The following EFCC1 variants were observed in gnomAD, a reference collection of about 807,000 sequenced individuals.
EFCC1 encodes EF-hand and coiled-coil domain-containing protein 1.
In EFCC1, 50 loss-of-function variants were observed where a neutral mutation model predicts 52.1. That is an observed-to-expected ratio of 0.96 (90% CI 0.76 to 1.21). The LOEUF is 1.21. Among genes scored for constraint, EFCC1 ranks in the 50% most tolerant of loss-of-function variants. The pLI, the probability that EFCC1 is intolerant of heterozygous loss-of-function variation, is 0.00. For missense variants in EFCC1, 837 were observed against 867.3 expected (o/e 0.97, Z 0.44); for synonymous variants, 399 against 396.5 (o/e 1.01, Z -0.08).
Position 129,013,419 on chromosome 3 carries a change from G to A in EFCC1, c.980+9342G>A, listed in dbSNP as rs551478718. On this transcript the variant is annotated intron_variant, in intron 2 of 7. Coordinates refer to ENST00000683648, the MANE Select transcript of EFCC1 (RefSeq NM_001377500.1). ...AAATCTCAAGCGTATATAGCTTCAG[G>A]CATGGCTAGATCCAGGAGCTCAAGT... 7.9e-5 allele frequency among the ~76,000 whole-genome samples: 12 copies of A among 152,220 alleles called. No homozygotes were observed. In the South Asian group the frequency reaches 2.5e-3, roughly 32 times the overall value.
At chr3:129,012,507 A>G (rs1327516621) in intron 2 of EFCC1, among the ~76,000 whole-genome samples, 1 of 152,128 alleles carries the variant, frequency 6.6e-6, no homozygotes, top group Non-Finnish European at 1.5e-5. Flanking sequence ...ATGACTTTCC[A>G]AATTCTGTGA....
chr3:129,030,558 T>A, intron 2 of EFCC1, 145 bp from the exon 3 acceptor site: 2 of 884,894 alleles, frequency 2.3e-6, no homozygotes, highest in Non-Finnish European at 3.1e-6. Flanking sequence ...GGAATCTGAG[T>A]ATCTAGCACT....
Position 129,010,593 on chromosome 3 carries a change from C to T in EFCC1, c.980+6516C>T, listed in dbSNP as rs1945281518. On this transcript the variant is annotated intron_variant, in intron 2 of 7. Coordinates refer to ENST00000683648, the MANE Select transcript of EFCC1 (RefSeq NM_001377500.1). This position sits in a 1 kb window ranked among gnomAD's most constrained non-coding sequence, Gnocchi z 4.3. ...CAAAGATGAGGCCATCTGAGGGCTA[C>T]CTCCTTTCTTCTGCCCCATTGCTGC... Among the ~76,000 whole-genome samples the T allele has an allele frequency of 6.6e-6, 1 of 152,070 alleles. No individual in the cohort carries two copies. The highest frequency in any genetic ancestry group is 1.5e-5 in the Non-Finnish European group (1 of 67,962).
intron 2 of EFCC1, among the ~76,000 whole-genome samples, chr3:129,026,010 G>A (rs765256240): frequency 1.2e-4 from 19 of 152,310 alleles, no homozygotes; most frequent in Non-Finnish European, 2.4e-4. Context: ...CCTCTCCCGC[G>A]GTGCGGCTCC....
intron 2 of EFCC1, among the ~76,000 whole-genome samples, chr3:129,023,473 C>T (rs1295777082): frequency 7.2e-5 from 11 of 152,102 alleles, no homozygotes; most frequent in Non-Finnish European, 1.6e-4. Flanking sequence ...GGACTACAGG[C>T]GCCCGCCACC....
intron 2 of EFCC1, among the ~76,000 whole-genome samples, chr3:129,019,763 A>ATTT (rs1945747371): frequency 1.8e-5 from 2 of 113,010 alleles, no homozygotes; most frequent in Non-Finnish European, 3.9e-5. Context: ...GATTAAATTT[A>ATTT]CTTTTTTTTT....
chr3:129,001,640 CAG>C lies in EFCC1; in HGVS notation c.13_14del (p.Ser5HisfsTer13), dbSNP rs1170581984. ...CGCGCGGCGCAGCGATGGAGCCGGT[CAG>C]CACGGGCGCGGAGGCCGGCATGGAG... MEPV[S>X]TGAEAGMEGA... On this transcript the variant is annotated frameshift_variant, in exon 1 of 8. Transcript: ENST00000683648. LOFTEE classifies it high-confidence loss of function. The C allele has an allele frequency of 1.7e-5, 23 of 1,377,090 alleles. No individual in the cohort carries two copies. The highest frequency in any genetic ancestry group is 2.1e-5 in the Non-Finnish European group (22 of 1,069,966). The allele number at this position is 1,377,090 out of a possible 1,614,324, so 85.3% of individuals were successfully genotyped here. A position where few individuals can be genotyped will look rare whatever the true frequency, so the allele number is the denominator to read the frequency against.
intron 2 of EFCC1, among the ~76,000 whole-genome samples, chr3:129,024,300 G>A (rs1414871361): frequency 1.3e-5 from 2 of 152,222 alleles, no homozygotes; most frequent in African/African-American, 4.8e-5. Flanking sequence ...GGAAAGCCGA[G>A]TCAGGCAGAT....
intron 2 of EFCC1, among the ~76,000 whole-genome samples, chr3:129,027,281 G>A (rs1946148567): frequency 6.6e-6 from 1 of 152,172 alleles, no homozygotes; most frequent in South Asian, 2.1e-4. Context: ...CAGCCGAGGT[G>A]CCGGCGGGGA....
chr3:129,010,748 A>G lies in EFCC1; in HGVS notation c.980+6671A>G, dbSNP rs1348676799. On this transcript the variant is annotated intron_variant, in intron 2 of 7. Coordinates refer to ENST00000683648, the MANE Select transcript of EFCC1 (RefSeq NM_001377500.1). This position sits in a 1 kb window ranked among gnomAD's most constrained non-coding sequence, Gnocchi z 4.3. ...CTGGAGCTGGGAGGCCTCGGATTCC[A>G]TCGTCCTTGGAGGTGGGTGTGTGGG... Among the ~76,000 whole-genome samples the G allele has an allele frequency of 6.6e-6, 1 of 152,202 alleles. No individual in the cohort carries two copies. The highest frequency in any genetic ancestry group is 2.4e-5 in the African/African-American group (1 of 41,456).
Position 129,034,295 on chromosome 3 carries a change from G to A in EFCC1, c.1418G>A (p.Cys473Tyr). Residue 473 changes from cysteine (C) to tyrosine (Y), a missense_variant, in exon 5 of 8, where the codon TGC (cysteine) becomes TAC (tyrosine). Physicochemically the swap from Cys to Tyr is radical, Grantham distance 194. Transcript: ENST00000683648. ...GTGGAGCAGCTGAGGACTCAGGGCT[G>A]CGGTGGGAGGACCCTGGGGACCTCT... Reference protein sequence around the residue: ...MLVEQLRTQGCGGRTLGTSEE... With the variant: ...MLVEQLRTQGYGGRTLGTSEE... The A allele has an allele frequency of 6.2e-7, 1 of 1,614,116 alleles. No individual in the cohort carries two copies. Among genetic ancestry groups the A allele is most frequent in the Non-Finnish European group, 8.5e-7 (1 of 1,180,026 alleles).
intron 2 of EFCC1, among the ~76,000 whole-genome samples, chr3:129,005,854 A>G (rs931581518): frequency 2.6e-5 from 4 of 152,274 alleles, no homozygotes; most frequent in Non-Finnish European, 5.9e-5. Context: ...ATGGCTAAAG[A>G]GCAGGGCTGG....
chr3:129,010,911 C>T lies in EFCC1; in HGVS notation c.980+6834C>T, dbSNP rs2107878456. ...GGGGCTTGGTGGGTGGGGGCCTAGG[C>T]TCAGAAGGCCCAGCCCAACCTGGCT... On this transcript the variant is annotated intron_variant, in intron 2 of 7. Transcript: ENST00000683648. This position sits in a 1 kb window ranked among gnomAD's most constrained non-coding sequence, Gnocchi z 4.3. Among the ~76,000 whole-genome samples the T allele has an allele frequency of 6.6e-6, 1 of 152,320 alleles. No individual in the cohort carries two copies. Among genetic ancestry groups the T allele is most frequent in the Admixed American group, 6.5e-5 (1 of 15,302 alleles).
chr3:129,002,508 T>C, intron 1 of EFCC1, 184 bp downstream of exon 1: 1 of 1,198,930 alleles, frequency 8.3e-7, no homozygotes. Flanking sequence ...TCCACTCCAG[T>C]CCCCAACCCT....
At position 129,014,455 on chromosome 3, in the gene EFCC1, C is replaced by T. The variant is rs1244386612; in HGVS notation, c.980+10378C>T. Among the ~76,000 whole-genome samples, 3 of 152,234 alleles carry T rather than the reference C, an allele frequency of 2.0e-5. No individual in the cohort carries two copies. Among genetic ancestry groups the T allele is most frequent in the African/African-American group, 4.8e-5 (2 of 41,460 alleles). On this transcript the variant is annotated intron_variant, in intron 2 of 7. Transcript: ENST00000683648. The surrounding 1 kb of genome is among the most constrained non-coding windows in gnomAD (Gnocchi z 4.3). ...CAGGGCCGCCTTCTCCCTGTATCCT[C>T]GCGTGGTCTTCCTTCTGTGTGTATT...
rs529491405 is a variant in EFCC1, at chr3:129,038,902, T to A, written c.1663+2T>A. 1 of 1,613,768 alleles carries A rather than the reference T, an allele frequency of 6.2e-7. No homozygotes were observed. The highest frequency in any genetic ancestry group is 1.1e-5 in the South Asian group (1 of 91,064). ...ACGCTTTCAGGGACCCCACCCACGGTAGGAGAGCACCCTAGTCTCTCAGAG... is the reference window on the plus strand; with the variant it reads ...ACGCTTTCAGGGACCCCACCCACGGAAGGAGAGCACCCTAGTCTCTCAGAG... On this transcript the variant is annotated splice_donor_variant, in intron 7 of 7. Coordinates refer to ENST00000683648, the MANE Select transcript of EFCC1 (RefSeq NM_001377500.1). LOFTEE classifies it high-confidence loss of function.
chr3:129,034,026 G>A (rs1185045510), intron 4 of EFCC1, 138 bp from the exon 5 acceptor site: 1 of 970,232 alleles, frequency 1.0e-6, no homozygotes, highest in Non-Finnish European at 1.5e-6. Flanking sequence ...GGCCATGGGA[G>A]GGTACTGGGC....
rs1179366426 is a variant in EFCC1, at chr3:129,004,029, G to T, written c.932G>T (p.Gly311Val). 1.3e-6 allele frequency: 2 copies of T among 1,510,860 alleles called. No homozygotes were observed. Among genetic ancestry groups the T allele is most frequent in the Admixed American group, 2.0e-5 (1 of 48,790 alleles). 93.6% of individuals were successfully genotyped at this position (1,510,860 alleles called of 1,614,324 possible). A position where few individuals can be genotyped will look rare whatever the true frequency, so the allele number is the denominator to read the frequency against. Residue 311 changes from glycine (G) to valine (V), a missense_variant, in exon 2 of 8, where the codon GGC becomes GTC. Physicochemically the swap from Gly to Val is moderately radical, Grantham distance 109. Coordinates refer to ENST00000683648, the MANE Select transcript of EFCC1 (RefSeq NM_001377500.1). The stretch of plus-strand genomic sequence containing the variant: ...GAGGCGCTGGCGCAACAGGTGCCCG[G>T]CTTGCAGCGCTGGGTGCGGCGGCTG... ...ELEALAQQVP[G>V]LQRWVRRLEA...
chr3:129,024,419 T>C (rs2107922395), intron 2 of EFCC1, among the ~76,000 whole-genome samples: 1 of 151,758 alleles, frequency 6.6e-6, no homozygotes, highest in East Asian at 1.9e-4. Flanking sequence ...TAGTCCCAAC[T>C]ACTCGGGAGG....
Sources: gnomAD v4.1 joint callset for allele counts (sites outside exome capture counted in the v4.1 genomes callset) on GRCh38, gnomAD v4.1.1 for gene constraint, Gnocchi (gnomAD v3.1) non-coding constraint, MANE v1.5 for transcripts, NCBI Gene and HGNC (gene_info 2026-07-23, HGNC 2026-07-21) for gene names.